Variants in PAX9 observed in about 807,000 individuals in gnomAD.
PAX9 encodes the protein paired box 9.
Under a neutral mutation model 29.1 loss-of-function variants are expected in PAX9, and 6 were observed. The ratio of observed to expected loss-of-function variants is 0.21; its 90% confidence interval spans 0.11 to 0.41. PAX9 has a LOEUF of 0.41. Ranked by LOEUF, PAX9 falls within the 10% of genes least tolerant of loss-of-function variation. The pLI, the probability that PAX9 is intolerant of heterozygous loss-of-function variation, is 1.00. For missense variants in PAX9, 443 were observed against 479.1 expected (o/e 0.92, Z 0.70); for synonymous variants, 217 against 211.7 (o/e 1.03, Z -0.22).
rs552730807 is a variant in PAX9, at chr14:36,670,793, T to G, written c.771+4192T>G. Among the ~76,000 whole-genome samples the G allele has an allele frequency of 3.6e-4, 55 of 152,192 alleles. No individual in the cohort carries two copies. In the South Asian group the frequency reaches 9.1e-3, roughly 25 times the overall value. On this transcript the variant is annotated intron_variant, in intron 3 of 3. Transcript: ENST00000361487. ...AAATTTTTCAAGGCTATGTCAATTT[T>G]AATAATATTTTGGAAAATTATAAAA...
rs552973108 is a variant in PAX9, at chr14:36,666,360, G to A, written c.632-102G>A. 145 of 1,472,614 alleles carry A rather than the reference G, an allele frequency of 9.8e-5. 1 individual carries two copies. In the African/African-American group the frequency reaches 1.8e-3, roughly 19 times the overall value. 91.2% of individuals were successfully genotyped at this position (1,472,614 alleles called of 1,614,324 possible). ...GGCCAAGGGCAGGGAGCCGACCCAA[G>A]GTCTAAGCCCTCCAGCTCTCCGTCG... On this transcript the variant is annotated intron_variant, in intron 2 of 3. Coordinates refer to ENST00000361487, the MANE Select transcript of PAX9 (RefSeq NM_001372076.1).
In PAX9 at chr14:36,666,418, G is replaced by C. The variant is rs779225349; in HGVS notation, c.632-44G>C. The C allele has an allele frequency of 3.8e-6, 6 of 1,594,878 alleles. No homozygotes were observed. In the Admixed American group the frequency reaches 1.0e-4, roughly 27 times the overall value. On this transcript the variant is annotated intron_variant, in intron 2 of 3. Coordinates refer to ENST00000361487, the MANE Select transcript of PAX9 (RefSeq NM_001372076.1). ...GGGTCCCGTCTCAAGAGTGGGGCGC[G>C]CGGGCTGGGCCTCCGGCCTGACACC...
rs1319882418 is a variant in PAX9 at position 36,663,078 on chromosome 14, G to C, written c.186G>C (p.Glu62Asp). ...GCAAGATCCTGGCGCGATACAACGA[G>C]ACGGGCTCGATCTTGCCAGGAGCCA... The part of the protein sequence containing the change: ...CVSKILARYN[E>D]TGSILPGAIG... Residue 62 changes from glutamate to aspartate, a missense_variant, in exon 2 of 4, where the codon GAG becomes GAC. Physicochemically the swap from Glu to Asp is conservative, Grantham distance 45. This residue lies in a region of PAX9 where 107 missense variants were observed against 161.9 expected (regional missense o/e 0.66). Coordinates refer to ENST00000361487, the MANE Select transcript of PAX9 (RefSeq NM_001372076.1). The C allele has an allele frequency of 5.0e-6, 8 of 1,613,964 alleles. No individual in the cohort carries two copies.
chr14:36,672,461 C>T (rs1881720134), intron 3 of PAX9, among the ~76,000 whole-genome samples: 1 of 152,076 alleles, frequency 6.6e-6, no homozygotes, highest in Non-Finnish European at 1.5e-5. Context: ...TTTACTTTTT[C>T]AGTGATTGCT....
Position 36,662,054 on chromosome 14 carries a change from C to A in PAX9, c.-36C>A, listed in dbSNP as rs775650832. 6.4e-7 allele frequency: 1 copy of A among 1,554,662 alleles called. No individual in the cohort carries two copies. The highest frequency in any genetic ancestry group is 8.7e-7 in the Non-Finnish European group (1 of 1,149,888). ...TGCGGAAAGTTTCTGTCTGGGAGTGCGGAACTGGGGCCGGGTTGGTGTACT... is the reference window on the plus strand; with the variant it reads ...TGCGGAAAGTTTCTGTCTGGGAGTGAGGAACTGGGGCCGGGTTGGTGTACT... On this transcript the variant is annotated 5_prime_UTR_variant, in exon 1 of 4. It introduces an in-frame stop codon into an upstream open reading frame of the 5' UTR. Coordinates refer to ENST00000361487, the MANE Select transcript of PAX9 (RefSeq NM_001372076.1).
Position 36,679,349 on chromosome 14 carries a change from A to C in PAX9, c.*2897A>C, listed in dbSNP as rs1248822071. 8 of 972,064 alleles carry C rather than the reference A, an allele frequency of 8.2e-6. No homozygotes were observed. In the African/African-American group the frequency reaches 1.4e-4, roughly 17 times the overall value. The allele number at this position is 972,064 out of a possible 1,614,324, so 60.2% of individuals were successfully genotyped here. Reference sequence around the variant, plus strand: ...ATACTTCAAATGCTCTAAATTAATAAAAAGTAATAATTACCATGTTATCTT... The same window carrying C: ...ATACTTCAAATGCTCTAAATTAATACAAAGTAATAATTACCATGTTATCTT... On this transcript the variant is annotated 3_prime_UTR_variant, in exon 4 of 4. Transcript: ENST00000361487.
At chr14:36,663,718 A>G (rs1881381265) in intron 2 of PAX9, among the ~76,000 whole-genome samples, 195 bp downstream of exon 2, 1 of 152,168 alleles carries the variant, frequency 6.6e-6, no homozygotes, top group Non-Finnish European at 1.5e-5. Flanking sequence ...TTTCCTTGCC[A>G]CACACAGTCT....
At chr14:36,666,744 C>A in intron 3 of PAX9, 143 bp downstream of exon 3, 4 of 1,145,340 alleles carry the variant, frequency 3.5e-6, no homozygotes, top group Non-Finnish European at 5.1e-6. Flanking sequence ...CCAGATCCTT[C>A]GTGGACTGGG....
chr14:36,662,716 A>T, intron 1 of PAX9, 181 bp from the exon 2 acceptor site: 1 of 701,244 alleles, frequency 1.4e-6, no homozygotes. Flanking sequence ...GTCCGATTGG[A>T]CAGTGACGGT....
chr14:36,659,855 C>A (rs1376680382), upstream of PAX9, among the ~76,000 whole-genome samples: 1 of 152,206 alleles, frequency 6.6e-6, no homozygotes, highest in East Asian at 1.9e-4. Flanking sequence ...GTTTCTGAAC[C>A]AGTCTAGGCT....
chr14:36,671,369 T>G (rs1467788682), intron 3 of PAX9, among the ~76,000 whole-genome samples: 1 of 151,564 alleles, frequency 6.6e-6, no homozygotes, highest in Non-Finnish European at 1.5e-5. Context: ...TTTCCTTTAC[T>G]TGGAGGAGGG....
At chr14:36,658,682 C>A (rs78093987), upstream of PAX9, 2,145 of 152,356 alleles carry the variant, frequency 0.014, 53 homozygotes, top group African/African-American at 0.047. Flanking sequence ...GCTAGATTCC[C>A]GTTGCTTCTC....
chr14:36,672,852 C>CTT (rs3061562), intron 3 of PAX9, among the ~76,000 whole-genome samples: 2 of 19,158 alleles, frequency 1.0e-4, no homozygotes, highest in Non-Finnish European at 9.6e-5. Flanking sequence ...TTCTTTCTTC[C>CTT]TTTTTTTTTT....
chr14:36,674,726 A>G (rs1053436098), intron 3 of PAX9, among the ~76,000 whole-genome samples: 5 of 152,198 alleles, frequency 3.3e-5, no homozygotes, highest in Admixed American at 1.3e-4. Flanking sequence ...CACACTTAAG[A>G]AACTTTAGCT....
intron 3 of PAX9, among the ~76,000 whole-genome samples, chr14:36,675,515 A>G (rs1193093978): frequency 6.6e-6 from 1 of 152,254 alleles, no homozygotes; most frequent in African/African-American, 2.4e-5. Context: ...AACCAGGCAT[A>G]TGCAGTTCTT....
At position 36,663,391 on chromosome 14, in the gene PAX9, A is replaced by ACGG; in HGVS notation, c.507_509dup (p.Ala171dup). The ACGG allele has an allele frequency of 6.2e-7, 1 of 1,613,370 alleles. No homozygotes were observed. Among genetic ancestry groups the ACGG allele is most frequent in the Non-Finnish European group, 8.5e-7 (1 of 1,179,882 alleles). On this transcript the variant is annotated inframe_insertion, in exon 2 of 4. Transcript: ENST00000361487. ...CATCTACTCGTACCCCAGCCCTATC[A>ACGG]CGGCGGCGGCCGCCAAGGTGCCCAC...
chr14:36,658,373 T>TGGGG (rs36065207), upstream of PAX9, among the ~76,000 whole-genome samples: 26 of 128,804 alleles, frequency 2.0e-4, no homozygotes, highest in African/African-American at 7.6e-4. Flanking sequence ...GGGCCTCGCT[T>TGGGG]GGGGGGGGGG....
chr14:36,671,735 C>T (rs79027629), intron 3 of PAX9, among the ~76,000 whole-genome samples: 2,210 of 152,228 alleles, frequency 0.015, 58 homozygotes, highest in African/African-American at 0.05. Flanking sequence ...ATTGGTAAAT[C>T]TGTATTTTGA....
chr14:36,675,078 AG>A (rs1881834198), intron 3 of PAX9, among the ~76,000 whole-genome samples: 1 of 152,230 alleles, frequency 6.6e-6, no homozygotes, highest in Non-Finnish European at 1.5e-5. Flanking sequence ...CTTAATTCTA[AG>A]GATTAAATCA....
Sources: gnomAD v4.1 joint callset for allele counts (sites outside exome capture counted in the v4.1 genomes callset) on GRCh38, gnomAD v4.1.1 for gene constraint, gnomAD v4.1.1 regional missense constraint, MANE v1.5 for transcripts, NCBI Gene and HGNC (gene_info 2026-07-23, HGNC 2026-07-21) for gene names.